SMC5: variants seen among roughly 807,000 people sequenced by gnomAD.
The protein encoded by SMC5 is structural maintenance of chromosomes 5.
In SMC5, 88 loss-of-function variants were observed where a neutral mutation model predicts 148.3. The ratio of observed to expected loss-of-function variants is 0.59; its 90% CI spans 0.50 to 0.71. The LOEUF (loss-of-function observed/expected upper bound fraction) is 0.71, where lower values mean the gene tolerates loss of function less well. Ranked by LOEUF, SMC5 falls within the 30% of genes least tolerant of loss-of-function variation. SMC5 has a pLI of 0.00. For missense variants in SMC5, 1,142 were observed against 1,298.9 expected, an observed-to-expected ratio of 0.88 and a Z score of 1.86; for synonymous variants, 421 against 432.8, an observed-to-expected ratio of 0.97 and a Z score of 0.34.
chr9:70,311,073 C>T (rs1265922728), intron 11 of SMC5: 1 of 152,232 alleles, frequency 6.6e-6, no homozygotes, highest in Admixed American at 6.5e-5. Context: ...TTTGTGTGTA[C>T]ACTGGAGTAG....
At chr9:70,286,461 A>G (rs2034904437) in intron 8 of SMC5, among the ~76,000 whole-genome samples, 190 bp downstream of exon 8, 1 of 152,194 alleles carries the variant, frequency 6.6e-6, no homozygotes, top group Non-Finnish European at 1.5e-5. Context: ...AAAATTTCTC[A>G]AAACTACTAG....
At chr9:70,316,577 A>G (rs2035808904) in intron 13 of SMC5, among the ~76,000 whole-genome samples, 1 of 152,102 alleles carries the variant, frequency 6.6e-6, no homozygotes, top group African/African-American at 2.4e-5. Context: ...AAAGAGGACA[A>G]GACCATATGC....
rs375039355 is a variant in SMC5 at position 70,323,435 on chromosome 9, A to G, written c.2151-48A>G. On this transcript the variant is annotated intron_variant, in intron 15 of 24. Coordinates refer to ENST00000361138, the MANE Select transcript of SMC5 (RefSeq NM_015110.4). ...GGGGGGACCTAAGAATTTGGGATCA[A>G]TTCTTATGTTTAACACTGATTTCTT... 2.6e-6 allele frequency: 4 copies of G among 1,523,216 alleles called. No homozygotes were observed. In the African/African-American group the frequency reaches 4.2e-5, roughly 16 times the overall value. The allele number at this position is 1,523,216 out of a possible 1,614,324, so 94.4% of individuals were successfully genotyped here.
At chr9:70,338,106 C>G (rs762605279) in intron 17 of SMC5, among the ~76,000 whole-genome samples, 1 of 152,076 alleles carries the variant, frequency 6.6e-6, no homozygotes, top group African/African-American at 2.4e-5. Flanking sequence ...GCCTGGAAAT[C>G]CTGGGCTCAA....
At position 70,259,110 on chromosome 9, in the gene SMC5, C is replaced by T. The variant is rs777609602; in HGVS notation, c.32C>T (p.Pro11Leu). The T allele has an allele frequency of 1.2e-6, 2 of 1,611,356 alleles. No individual in the cohort carries two copies. Among genetic ancestry groups the T allele is most frequent in the Non-Finnish European group, 1.7e-6 (2 of 1,178,710 alleles). Residue 11 changes from proline to leucine, a missense_variant, in exon 1 of 25, where the codon CCA (proline) becomes CTA (leucine). Pro to Leu is a moderately conservative substitution (Grantham distance 98). Coordinates refer to ENST00000361138, the MANE Select transcript of SMC5 (RefSeq NM_015110.4). MATPSKKTST[P>L]SPQPSKRALP... ...ACTCCGAGCAAGAAGACGTCAACTCCAAGCCCCCAGCCTTCCAAGAGAGCT... is the reference window on the plus strand; with the variant it reads ...ACTCCGAGCAAGAAGACGTCAACTCTAAGCCCCCAGCCTTCCAAGAGAGCT...
At chr9:70,274,816 T>A (rs1234825978) in intron 3 of SMC5, among the ~76,000 whole-genome samples, 2 of 152,134 alleles carry the variant, frequency 1.3e-5, no homozygotes, top group Non-Finnish European at 2.9e-5. Flanking sequence ...TCTGTCTTCC[T>A]GCTAAACAAA....
chr9:70,288,042 C>T (rs1018531094), intron 8 of SMC5, among the ~76,000 whole-genome samples: 9 of 151,938 alleles, frequency 5.9e-5, no homozygotes, highest in African/African-American at 2.2e-4. Context: ...TACTCCATTC[C>T]TATTATTTTA....
At chr9:70,273,228 A>G (rs1055489120) in intron 3 of SMC5, among the ~76,000 whole-genome samples, 4 of 150,296 alleles carry the variant, frequency 2.7e-5, no homozygotes, top group African/African-American at 9.8e-5. Flanking sequence ...ATTTTTTTCT[A>G]ACTACTGATT....
chr9:70,347,208 A>C (rs1587721568), intron 20 of SMC5, 47 bp downstream of exon 20: 2 of 1,470,652 alleles, frequency 1.4e-6, no homozygotes, highest in East Asian at 2.3e-5. Flanking sequence ...CACCACCACC[A>C]CCCTCCCCAT....
chr9:70,306,982 A>C (rs1404550890), intron 11 of SMC5, among the ~76,000 whole-genome samples: 2 of 152,178 alleles, frequency 1.3e-5, no homozygotes, highest in African/African-American at 4.8e-5. Flanking sequence ...CAACATCATA[A>C]TTTTTGCCAA....
chr9:70,271,647 T>A (rs2118054616), intron 3 of SMC5, among the ~76,000 whole-genome samples: 1 of 152,112 alleles, frequency 6.6e-6, no homozygotes, highest in African/African-American at 2.4e-5. Context: ...CATAGAAAAA[T>A]AAAGCAGAAA....
intron 15 of SMC5, among the ~76,000 whole-genome samples, chr9:70,321,457 C>A (rs1451114053): frequency 6.8e-6 from 1 of 147,614 alleles, no homozygotes; most frequent in Non-Finnish European, 1.5e-5. Flanking sequence ...CAGTGGCATG[C>A]TCACAGCTCA....
At chr9:70,265,946 T>C (rs1162456905) in intron 2 of SMC5, among the ~76,000 whole-genome samples, 1 of 152,044 alleles carries the variant, frequency 6.6e-6, no homozygotes, top group Non-Finnish European at 1.5e-5. Context: ...AGTAGACCAG[T>C]CAGATAAAAA....
In SMC5 at chr9:70,280,949, G is replaced by C. The variant is rs756949676; in HGVS notation, c.819+50G>C. ...AGTACGTGTTTCTTTAAGTAGCAGA[G>C]TAATTATGATGAAAGTATTAGTTAC... On this transcript the variant is annotated intron_variant, in intron 6 of 24. Transcript: ENST00000361138. 2.5e-6 allele frequency: 4 copies of C among 1,596,786 alleles called. No individual in the cohort carries two copies. The South Asian group carries it at 4.5e-5, about 18-fold the overall frequency.
At chr9:70,318,318 G>A (rs998891795) in intron 13 of SMC5, among the ~76,000 whole-genome samples, 196 bp from the exon 14 acceptor site, 1 of 151,972 alleles carries the variant, frequency 6.6e-6, no homozygotes, top group African/African-American at 2.4e-5. Context: ...AGCCTGGGGG[G>A]TTGAGGCTGG....
In SMC5 at chr9:70,314,825, G is replaced by T; in HGVS notation, c.1662G>T (p.Leu554Phe). ...SYADKAPSRSLNELKQYGFFS... is the reference protein window; with the variant it reads ...SYADKAPSRSFNELKQYGFFS... ...CAGACAAAGCACCTTCAAGATCTTT[G>T]AATGAACTTAAGTAAGTCTTGAAAA... The change falls in exon 12 of 25, where the codon TTG becomes TTT. Residue 554 changes from leucine to phenylalanine, a missense_variant. This residue lies in a region of SMC5 where 743 missense variants were observed against 835.7 expected (regional missense o/e 0.89). Coordinates refer to ENST00000361138, the MANE Select transcript of SMC5 (RefSeq NM_015110.4). 6.5e-7 allele frequency: 1 copy of T among 1,536,320 alleles called. No homozygotes were observed. The highest frequency in any genetic ancestry group is 1.3e-5 in the South Asian group (1 of 79,768).
chr9:70,276,796 T>C (rs889240735), intron 3 of SMC5, among the ~76,000 whole-genome samples: 1 of 152,196 alleles, frequency 6.6e-6, no homozygotes, highest in African/African-American at 2.4e-5. Context: ...GATGTAATCC[T>C]CTCTGAATTT....
In SMC5 at chr9:70,291,925, A is replaced by G. The variant is rs138873623; in HGVS notation, c.1053+5654A>G. Among the ~76,000 whole-genome samples, 599 of 152,042 alleles carry G rather than the reference A, an allele frequency of 3.9e-3. 3 individuals are homozygous for G. Among genetic ancestry groups the G allele is most frequent in the African/African-American group, 0.013 (554 of 41,456 alleles). ...GGCTGCTAGACTGCAGGTTTTCACT[A>G]TGATTGTGGGCTGTTGCTTTTCAAG... On this transcript the variant is annotated intron_variant, in intron 8 of 24. Transcript: ENST00000361138.
intron 17 of SMC5, among the ~76,000 whole-genome samples, chr9:70,328,988 A>G (rs765663820): frequency 6.6e-6 from 1 of 152,170 alleles, no homozygotes. Flanking sequence ...CCTGAGCTAT[A>G]TCTTGGCCCC....
Sources: allele counts gnomAD v4.1 joint callset (sites outside exome capture counted in the v4.1 genomes callset), GRCh38; gene constraint gnomAD v4.1.1; regional missense constraint gnomAD v4.1.1; transcripts MANE v1.5; gene names NCBI Gene and HGNC (gene_info 2026-07-23, HGNC 2026-07-21).